Variants in CA10 observed in about 807,000 individuals in gnomAD.
The protein encoded by CA10 is carbonic anhydrase 10 (inactive).
In CA10, 14 loss-of-function variants were observed where a neutral mutation model predicts 44.2. The ratio of observed to expected loss-of-function variants is 0.32; its 90% CI spans 0.21 to 0.50. The LOEUF is 0.50. Ranked by LOEUF, CA10 falls within the 20% of genes least tolerant of loss-of-function variation. CA10 has a pLI of 0.99. For synonymous variants in CA10, 159 were observed against 141.6 expected (o/e 1.12, Z -0.87); for missense variants, 350 against 409.7 (o/e 0.85, Z 1.26).
chr17:52,047,738 G>A (rs1277052681), intron 2 of CA10, among the ~76,000 whole-genome samples: 5 of 151,812 alleles, frequency 3.3e-5, no homozygotes, highest in Admixed American at 2.0e-4. Flanking sequence ...TAATAATACT[G>A]TATATGTGAT....
intron 4 of CA10, among the ~76,000 whole-genome samples, chr17:51,655,112 T>C (rs1913740612): frequency 6.6e-6 from 1 of 152,214 alleles, no homozygotes; most frequent in Admixed American, 6.5e-5. Context: ...AACTTGATTT[T>C]TTAAAATTTA....
At chr17:51,738,286 T>G (rs1427788337) in intron 4 of CA10, among the ~76,000 whole-genome samples, 3 of 152,172 alleles carry the variant, frequency 2.0e-5, no homozygotes, top group Non-Finnish European at 4.4e-5. Flanking sequence ...ATGGCCTTAT[T>G]TTGAATTGTA....
At chr17:52,078,123 C>T (rs960678773) in intron 1 of CA10, among the ~76,000 whole-genome samples, 1 of 152,178 alleles carries the variant, frequency 6.6e-6, no homozygotes, top group Admixed American at 6.5e-5. Flanking sequence ...GCTTACTGCT[C>T]CAAGTCAACT....
intron 2 of CA10, among the ~76,000 whole-genome samples, chr17:51,996,517 T>C (rs771643543): frequency 4.0e-5 from 6 of 151,836 alleles, no homozygotes; most frequent in South Asian, 2.1e-4. Flanking sequence ...ACATGGCCCA[T>C]GGTTTAAATC....
intron 1 of CA10, among the ~76,000 whole-genome samples, chr17:52,124,570 G>T (rs1378037552): frequency 6.6e-6 from 1 of 152,152 alleles, no homozygotes; most frequent in East Asian, 1.9e-4. Flanking sequence ...TAATTCTTTA[G>T]CATGATATAT....
At chr17:51,773,873 G>T (rs1905705624) in intron 3 of CA10, among the ~76,000 whole-genome samples, 1 of 152,060 alleles carries the variant, frequency 6.6e-6, no homozygotes, top group Non-Finnish European at 1.5e-5. Context: ...AATCAAGTTG[G>T]CTCGGTTGCT....
chr17:51,670,147 T>C (rs1308389632), intron 4 of CA10, among the ~76,000 whole-genome samples: 1 of 152,208 alleles, frequency 6.6e-6, no homozygotes, highest in Non-Finnish European at 1.5e-5. Flanking sequence ...ATTAAACCTC[T>C]TTTCTTTATA....
At chr17:51,832,032 T>C (rs891847285) in intron 3 of CA10, among the ~76,000 whole-genome samples, 1 of 152,296 alleles carries the variant, frequency 6.6e-6, no homozygotes, top group African/African-American at 2.4e-5. Context: ...AAGATTCCCA[T>C]TCCTGTTTTC....
At chr17:52,035,334 G>A (rs1011236902) in intron 2 of CA10, among the ~76,000 whole-genome samples, 1 of 147,750 alleles carries the variant, frequency 6.8e-6, no homozygotes, top group Non-Finnish European at 1.5e-5. Flanking sequence ...AGACTTCAAG[G>A]GAAGATTACC....
intron 4 of CA10, among the ~76,000 whole-genome samples, chr17:51,678,827 C>T (rs1914719702): frequency 6.6e-6 from 1 of 152,180 alleles, no homozygotes; most frequent in South Asian, 2.1e-4. Flanking sequence ...CTCCAAGTTT[C>T]TGTCTCTCTC....
intron 3 of CA10, among the ~76,000 whole-genome samples, chr17:51,759,941 A>G (rs1905174715): frequency 6.6e-6 from 1 of 152,220 alleles, no homozygotes; most frequent in African/African-American, 2.4e-5. Flanking sequence ...GTTTTTCCCT[A>G]AACTACGAAA....
rs557062573 is a variant in CA10 at position 51,854,131 on chromosome 17, C to G, written c.279+76859G>C. Among the ~76,000 whole-genome samples the G allele has an allele frequency of 2.6e-5, 4 of 152,320 alleles. No homozygotes were observed. In the East Asian group the frequency reaches 5.8e-4, roughly 22 times the overall value. Reference sequence around the variant, plus strand: ...GGCACCTTCATCTCGCCAAGATTCTCAGGGAATGATCAGCCAGTTGGCTTG... The same window carrying G: ...GGCACCTTCATCTCGCCAAGATTCTGAGGGAATGATCAGCCAGTTGGCTTG... On this transcript the variant is annotated intron_variant, in intron 3 of 8. Transcript: ENST00000451037.
chr17:51,780,966 A>G (rs542805741), intron 3 of CA10, among the ~76,000 whole-genome samples: 1 of 152,224 alleles, frequency 6.6e-6, no homozygotes, highest in Non-Finnish European at 1.5e-5. Flanking sequence ...AAAACTATTT[A>G]CAAAAGGAGG....
chr17:51,785,202 A>G lies in CA10; in HGVS notation c.280-37384T>C, dbSNP rs760150014. On this transcript the variant is annotated intron_variant, in intron 3 of 8. Transcript: ENST00000451037. Reference sequence around the variant, plus strand: ...TGATGGACACTTAGGTTGCTTCCAAATCTTGGCTATTGTGAACAGAGCTGT... The same window carrying G: ...TGATGGACACTTAGGTTGCTTCCAAGTCTTGGCTATTGTGAACAGAGCTGT... 6.6e-5 allele frequency among the ~76,000 whole-genome samples: 10 copies of G among 152,168 alleles called. No homozygotes were observed. The East Asian group carries it at 1.3e-3, about 21-fold the overall frequency.
At chr17:52,097,868 C>G (rs1315781876) in intron 1 of CA10, among the ~76,000 whole-genome samples, 1 of 152,202 alleles carries the variant, frequency 6.6e-6, no homozygotes, top group Non-Finnish European at 1.5e-5. Flanking sequence ...GATATTCACC[C>G]TCTCACCACA....
chr17:52,073,048 G>A (rs1039491198), intron 1 of CA10, among the ~76,000 whole-genome samples: 2 of 152,050 alleles, frequency 1.3e-5, no homozygotes, highest in African/African-American at 4.8e-5. Flanking sequence ...TTGGGGCAAT[G>A]CCATTACACA....
chr17:51,809,309 G>C (rs1907264410), intron 3 of CA10, among the ~76,000 whole-genome samples: 1 of 152,184 alleles, frequency 6.6e-6, no homozygotes, highest in Admixed American at 6.5e-5. Context: ...GTCAGGCACT[G>C]TGTTCAATGC....
At chr17:51,954,180 A>G (rs1399472814) in intron 2 of CA10, among the ~76,000 whole-genome samples, 1 of 152,194 alleles carries the variant, frequency 6.6e-6, no homozygotes, top group Admixed American at 6.6e-5. Flanking sequence ...TTTTTAAACT[A>G]AAGTGTTACA....
chr17:52,038,751 G>GAC (rs1986687419), intron 2 of CA10, among the ~76,000 whole-genome samples: 1 of 151,494 alleles, frequency 6.6e-6, no homozygotes, highest in South Asian at 2.1e-4. Flanking sequence ...TAAGTTATAG[G>GAC]ACTCCTGACT....
Sources: allele counts gnomAD v4.1 joint callset (sites outside exome capture counted in the v4.1 genomes callset), GRCh38; gene constraint gnomAD v4.1.1; transcripts MANE v1.5; gene names NCBI Gene and HGNC (gene_info 2026-07-23, HGNC 2026-07-21).